AMN1: variants seen among roughly 807,000 people sequenced by gnomAD.
The protein encoded by AMN1 is protein AMN1 homolog.
AMN1 carries 20 observed loss-of-function variants against 33.0 expected under a neutral mutation model. That is an observed-to-expected ratio of 0.61 (90% CI 0.43 to 0.88). AMN1 has a LOEUF of 0.88. AMN1 is among the 40% of genes least tolerant of loss of function. The probability of loss-of-function intolerance (pLI) is 0.00; values close to 1 mark genes in which losing one functional copy is unlikely to be tolerated. For missense variants in AMN1, 246 were observed against 307.4 expected, an observed-to-expected ratio of 0.80 and a Z score of 1.49; for synonymous variants, 114 against 111.9, an observed-to-expected ratio of 1.02 and a Z score of -0.12.
intron 1 of AMN1, among the ~76,000 whole-genome samples, chr12:31,728,510 C>A (rs1235704951): frequency 6.6e-6 from 1 of 152,188 alleles, no homozygotes; most frequent in Non-Finnish European, 1.5e-5. Flanking sequence ...GGGGGCTGAA[C>A]CCAGCAATCT....
intron 6 of AMN1, among the ~76,000 whole-genome samples, chr12:31,677,212 A>T (rs1937760282): frequency 6.6e-6 from 1 of 152,168 alleles, no homozygotes; most frequent in African/African-American, 2.4e-5. Flanking sequence ...AGGCAGGAGA[A>T]TGGCGTGAAC....
chr12:31,710,183 T>G (rs988402637), intron 1 of AMN1, among the ~76,000 whole-genome samples: 2 of 152,114 alleles, frequency 1.3e-5, no homozygotes, highest in South Asian at 4.1e-4. Flanking sequence ...ATATTACAAA[T>G]CACAGAGATA....
Position 31,689,136 on chromosome 12 carries a change from A to C in AMN1, c.592-18T>G. On this transcript the variant is annotated intron_variant, in intron 5 of 6. Transcript: ENST00000281471. ...TGAATCTCCTATGCAAAAATAAAGA[A>C]AATAAAGTCAAATGAAAACAAAGAT... 2 of 1,504,110 alleles carry C rather than the reference A, an allele frequency of 1.3e-6. No homozygotes were observed. The highest frequency in any genetic ancestry group is 1.8e-6 in the Non-Finnish European group (2 of 1,088,594). The allele number at this position is 1,504,110 out of a possible 1,614,324, so 93.2% of individuals were successfully genotyped here. A position where few individuals can be genotyped will look rare whatever the true frequency, so the allele number is the denominator to read the frequency against.
At chr12:31,696,647 C>A (rs1207008514) in intron 5 of AMN1, among the ~76,000 whole-genome samples, 3 of 152,036 alleles carry the variant, frequency 2.0e-5, no homozygotes, top group Non-Finnish European at 4.4e-5. Flanking sequence ...CTTTTTTAGG[C>A]CGGGTGCAGT....
chr12:31,715,106 T>C (rs1403533289), intron 1 of AMN1, among the ~76,000 whole-genome samples: 1 of 152,200 alleles, frequency 6.6e-6, no homozygotes, highest in African/African-American at 2.4e-5. Flanking sequence ...GTAGCAAAGA[T>C]GCAACAAGAA....
chr12:31,674,530 A>G (rs1951346437), intron 6 of AMN1, among the ~76,000 whole-genome samples: 1 of 152,196 alleles, frequency 6.6e-6, no homozygotes, highest in Non-Finnish European at 1.5e-5. Flanking sequence ...GATAATACAG[A>G]ATGATCTCCC....
intron 1 of AMN1, among the ~76,000 whole-genome samples, chr12:31,718,806 C>A (rs769886219): frequency 2.0e-5 from 3 of 152,246 alleles, no homozygotes; most frequent in African/African-American, 7.2e-5. Context: ...GTAGGCCTTG[C>A]TGAGCTGTAG....
At chr12:31,675,430 A>G (rs1388532553) in intron 6 of AMN1, among the ~76,000 whole-genome samples, 3 of 151,718 alleles carry the variant, frequency 2.0e-5, no homozygotes, top group Non-Finnish European at 4.4e-5. Context: ...AAAAACAAAC[A>G]AGAAAAACCT....
intron 6 of AMN1, among the ~76,000 whole-genome samples, chr12:31,678,736 G>A (rs907133676): frequency 4.6e-5 from 7 of 152,068 alleles, no homozygotes; most frequent in Non-Finnish European, 7.4e-5. Flanking sequence ...TTTTTCAAAT[G>A]TTCAAAGGAA....
intron 2 of AMN1, among the ~76,000 whole-genome samples, chr12:31,705,678 G>T (rs990512737): frequency 1.3e-5 from 2 of 152,166 alleles, no homozygotes; most frequent in African/African-American, 4.8e-5. Flanking sequence ...TAAGCTACAG[G>T]TCTGCCTTTC....
At chr12:31,705,754 GGCCCAGAACA>G (rs1176301821) in intron 2 of AMN1, among the ~76,000 whole-genome samples, 2 of 152,042 alleles carry the variant, frequency 1.3e-5, no homozygotes, top group Admixed American at 1.3e-4. Flanking sequence ...CTTTCTTTAT[GGCCCAGAACA>G]TATAGCCCTC....
chr12:31,729,101 A>C, upstream of AMN1: 1 of 1,380,444 alleles, frequency 7.2e-7, no homozygotes, highest in Non-Finnish European at 9.7e-7. Flanking sequence ...CGCGACGCGT[A>C]GGTTTTTGTG....
At chr12:31,675,966 G>C (rs879379657) in intron 6 of AMN1, among the ~76,000 whole-genome samples, 1 of 151,508 alleles carries the variant, frequency 6.6e-6, no homozygotes, top group Non-Finnish European at 1.5e-5. Context: ...AATATCCCAA[G>C]GAATTCACTA....
At chr12:31,707,292 G>A (rs1485792225) in intron 2 of AMN1, among the ~76,000 whole-genome samples, 1 of 152,170 alleles carries the variant, frequency 6.6e-6, no homozygotes, top group African/African-American at 2.4e-5. Context: ...ATTTCTTATT[G>A]TGAGTCTTGA....
At chr12:31,701,134 G>A (rs1447112048) in intron 3 of AMN1, among the ~76,000 whole-genome samples, 2 of 151,920 alleles carry the variant, frequency 1.3e-5, no homozygotes, top group African/African-American at 2.4e-5. Flanking sequence ...CAAGTAGCTG[G>A]GATTACAGGC....
At chr12:31,722,424 C>T (rs1353557027) in intron 1 of AMN1, among the ~76,000 whole-genome samples, 1 of 152,104 alleles carries the variant, frequency 6.6e-6, no homozygotes, top group African/African-American at 2.4e-5. Context: ...TTGGCTCCAA[C>T]AAGAAGTAAA....
Position 31,697,722 on chromosome 12 carries a change from A to G in AMN1, c.534+18T>C, listed in dbSNP as rs1205963016. 6.2e-7 allele frequency: 1 copy of G among 1,604,396 alleles called. No homozygotes were observed. The highest frequency in any genetic ancestry group is 1.1e-5 in the South Asian group (1 of 90,864). Reference sequence around the variant, plus strand: ...GTAAACACATAGTCTATATGTTTGTAGCCTATATGTCATTTACCTGAGTAG... The same window carrying G: ...GTAAACACATAGTCTATATGTTTGTGGCCTATATGTCATTTACCTGAGTAG... On this transcript the variant is annotated intron_variant, in intron 4 of 6. Transcript: ENST00000281471.
At chr12:31,699,679 C>A (rs1938904599) in intron 3 of AMN1, among the ~76,000 whole-genome samples, 1 of 152,124 alleles carries the variant, frequency 6.6e-6, no homozygotes, top group Non-Finnish European at 1.5e-5. Context: ...GTTTTGTGAG[C>A]CATTCTGACA....
intron 6 of AMN1, among the ~76,000 whole-genome samples, chr12:31,677,609 G>GAAAAGGATTCCCC (rs1281998299): frequency 7.2e-5 from 11 of 152,122 alleles, no homozygotes; most frequent in Non-Finnish European, 1.6e-4. Flanking sequence ...TTGGGGCTCA[G>GAAAAGGATTCCCC]AAAAGGATTC....
Sources: gnomAD v4.1 joint callset for allele counts (sites outside exome capture counted in the v4.1 genomes callset) on GRCh38, gnomAD v4.1.1 for gene constraint, MANE v1.5 for transcripts, NCBI Gene and HGNC (gene_info 2026-07-23, HGNC 2026-07-21) for gene names.